The following KCNAB1 variants were observed in gnomAD, a reference collection of about 807,000 sequenced individuals.
The protein encoded by KCNAB1 is potassium voltage-gated channel subfamily A regulatory beta subunit 1.
In KCNAB1, 35 loss-of-function variants were observed where a neutral mutation model predicts 64.6. The observed-to-expected ratio is 0.54, with a 90% confidence interval of 0.41 to 0.72. KCNAB1 has a LOEUF of 0.72. KCNAB1 is among the 30% of genes least tolerant of loss of function. The pLI, the probability that KCNAB1 is intolerant of heterozygous loss-of-function variation, is 0.00. For missense variants in KCNAB1, 401 were observed against 512.9 expected, an observed-to-expected ratio of 0.78 and a Z score of 2.11; for synonymous variants, 177 against 183.8, an observed-to-expected ratio of 0.96 and a Z score of 0.30.
intron 1 of KCNAB1, among the ~76,000 whole-genome samples, chr3:156,284,659 T>C (rs1163830440): frequency 6.6e-6 from 1 of 152,222 alleles, no homozygotes; most frequent in African/African-American, 2.4e-5. Flanking sequence ...GTGTGGGATA[T>C]AGTCTCGTGA....
intron 1 of KCNAB1, among the ~76,000 whole-genome samples, chr3:156,350,736 T>C (rs1560210419): frequency 6.6e-6 from 1 of 152,132 alleles, no homozygotes; most frequent in Non-Finnish European, 1.5e-5. Context: ...TCCATGAAAA[T>C]GTGTTTTGAT....
chr3:156,535,711 C>T (rs1719007361), intron 13 of KCNAB1, among the ~76,000 whole-genome samples: 1 of 152,186 alleles, frequency 6.6e-6, no homozygotes, highest in African/African-American at 2.4e-5. Context: ...CCACCATCTT[C>T]CCCCAAAATG....
chr3:156,403,402 T>A (rs750971946), intron 1 of KCNAB1, among the ~76,000 whole-genome samples: 4 of 152,202 alleles, frequency 2.6e-5, no homozygotes, highest in Non-Finnish European at 5.9e-5. Context: ...TTCTTTACCC[T>A]CTGGAGAGTT....
At chr3:156,364,976 A>G (rs998317163) in intron 1 of KCNAB1, among the ~76,000 whole-genome samples, 3 of 152,242 alleles carry the variant, frequency 2.0e-5, no homozygotes, top group Non-Finnish European at 2.9e-5. Flanking sequence ...AAAGCTAAAT[A>G]TCAAACACAA....
intron 1 of KCNAB1, among the ~76,000 whole-genome samples, chr3:156,269,199 A>G (rs1291329358): frequency 1.3e-5 from 2 of 152,208 alleles, no homozygotes; most frequent in African/African-American, 2.4e-5. Flanking sequence ...TGGGTTCTAC[A>G]TTCAGTTCCA....
At chr3:156,229,419 C>G (rs1405852235) in intron 1 of KCNAB1, among the ~76,000 whole-genome samples, 1 of 152,148 alleles carries the variant, frequency 6.6e-6, no homozygotes, top group Non-Finnish European at 1.5e-5. Context: ...TATCCTCCCA[C>G]CAGGCCCCTC....
intron 12 of KCNAB1, among the ~76,000 whole-genome samples, chr3:156,524,746 C>CAAAAAAAA (rs10553136): frequency 5.4e-5 from 4 of 74,456 alleles, no homozygotes; most frequent in Non-Finnish European, 9.0e-5. Flanking sequence ...GACTCCATCT[C>CAAAAAAAA]AAAAAAAAAA....
intron 1 of KCNAB1, among the ~76,000 whole-genome samples, chr3:156,401,756 A>T (rs995878200): frequency 6.6e-6 from 1 of 152,246 alleles, no homozygotes; most frequent in African/African-American, 2.4e-5. Flanking sequence ...AAATGAGCCA[A>T]ATTAAATTTA....
intron 1 of KCNAB1, chr3:156,273,538 C>G (rs1319083676): frequency 4.4e-6 from 2 of 455,418 alleles, no homozygotes; most frequent in African/African-American, 2.0e-5. Context: ...GCTGCACTCT[C>G]CCTCCCCTAA....
chr3:156,168,952 A>G (rs1375272726), intron 1 of KCNAB1, among the ~76,000 whole-genome samples: 1 of 152,226 alleles, frequency 6.6e-6, no homozygotes, highest in Non-Finnish European at 1.5e-5. Context: ...TCTGATGAAG[A>G]TGTTCTTTCA....
At chr3:156,405,662 A>G (rs1714200630) in intron 1 of KCNAB1, among the ~76,000 whole-genome samples, 1 of 152,194 alleles carries the variant, frequency 6.6e-6, no homozygotes, top group Admixed American at 6.5e-5. Context: ...TTTAAAGATC[A>G]TACTAAAACC....
At chr3:156,356,629 G>C (rs930756829) in intron 1 of KCNAB1, among the ~76,000 whole-genome samples, 5 of 151,910 alleles carry the variant, frequency 3.3e-5, no homozygotes, top group Admixed American at 6.6e-5. Context: ...CCTTTCTCTG[G>C]GCTTTCTGTA....
chr3:156,531,018 G>A (rs1019993554), intron 12 of KCNAB1, among the ~76,000 whole-genome samples: 2 of 152,180 alleles, frequency 1.3e-5, no homozygotes, highest in African/African-American at 4.8e-5. Context: ...TAAGCCCCGA[G>A]CCAACCCAAA....
chr3:156,491,160 A>G (rs1468397013), intron 8 of KCNAB1, among the ~76,000 whole-genome samples: 1 of 152,094 alleles, frequency 6.6e-6, no homozygotes, highest in East Asian at 1.9e-4. Context: ...AATATGTTCC[A>G]CCAACACATA....
intron 1 of KCNAB1, among the ~76,000 whole-genome samples, chr3:156,411,328 T>C (rs1714649852): frequency 6.6e-6 from 1 of 152,188 alleles, no homozygotes; most frequent in African/African-American, 2.4e-5. Flanking sequence ...TTTCATTCTC[T>C]TAATAGTATC....
At chr3:156,511,707 C>T (rs77248296) in intron 8 of KCNAB1, among the ~76,000 whole-genome samples, 1,763 of 152,264 alleles carry the variant, frequency 0.012, 36 homozygotes, top group South Asian at 0.052. Flanking sequence ...CTTCCTCAAG[C>T]TCTTTCTACT....
At chr3:156,501,584 A>G (rs1226503920) in intron 8 of KCNAB1, among the ~76,000 whole-genome samples, 2 of 151,958 alleles carry the variant, frequency 1.3e-5, no homozygotes, top group Non-Finnish European at 2.9e-5. Context: ...GGCATGTGCC[A>G]CCATGCCTGG....
At chr3:156,460,200 C>T in intron 5 of KCNAB1, 1 of 248,968 alleles carries the variant, frequency 4.0e-6, no homozygotes, top group Non-Finnish European at 7.6e-6. Context: ...AGTAACTTGA[C>T]AAGAAGCTGA....
At chr3:156,197,407 G>A (rs1236844967) in intron 1 of KCNAB1, among the ~76,000 whole-genome samples, 1 of 152,096 alleles carries the variant, frequency 6.6e-6, no homozygotes, top group African/African-American at 2.4e-5. Context: ...TGTACCTCTG[G>A]TATAATTTGG....
Sources: allele counts gnomAD v4.1 joint callset (sites outside exome capture counted in the v4.1 genomes callset), GRCh38; gene constraint gnomAD v4.1.1; transcripts MANE v1.5; gene names NCBI Gene and HGNC (gene_info 2026-07-23, HGNC 2026-07-21).